The following SPG7 variants were observed in gnomAD, a reference collection of about 807,000 sequenced individuals.
SPG7 encodes mitochondrial inner membrane m-AAA protease component paraplegin.
In SPG7, 103 loss-of-function variants were observed where a neutral mutation model predicts 81.9. That is an observed-to-expected ratio of 1.26 (90% CI 1.07 to 1.48). SPG7 has a LOEUF of 1.48. SPG7 is among the 40% of genes most tolerant of loss of function. The pLI, the probability that SPG7 is intolerant of heterozygous loss-of-function variation, is 0.00. For synonymous variants in SPG7, 534 were observed against 444.2 expected (o/e 1.20, Z -2.54); for missense variants, 1,241 against 1,087.3 (o/e 1.14, Z -1.99).
At chr16:89,528,028 T>C (rs924504291) in intron 5 of SPG7, among the ~76,000 whole-genome samples, 1 of 151,830 alleles carries the variant, frequency 6.6e-6, no homozygotes, top group African/African-American at 2.4e-5. Context: ...TGTAGGCCAG[T>C]GATGTACAGA....
chr16:89,514,772 A>T (rs902806683), intron 3 of SPG7, among the ~76,000 whole-genome samples: 1 of 151,954 alleles, frequency 6.6e-6, no homozygotes, highest in Non-Finnish European at 1.5e-5. Flanking sequence ...TTCTAGGATT[A>T]CAGGCGTGAG....
In SPG7 at chr16:89,510,501, G is replaced by C. The variant is rs767548328; in HGVS notation, c.195G>C (p.Leu65Phe). ...TTTTTTTTTTTCAGAGCTTACAATTGAGACTGCTAACCCCTACCTTTGAAG... is the reference window on the plus strand; with the variant it reads ...TTTTTTTTTTTCAGAGCTTACAATTCAGACTGCTAACCCCTACCTTTGAAG... ...AGGRALQSLQ[L>F]RLLTPTFEGI... is the part of the protein sequence containing the mutation. Residue 65 changes from leucine (L) to phenylalanine (F), a missense_variant, in exon 2 of 17, where the codon TTG (leucine) becomes TTC (phenylalanine). Transcript: ENST00000645818. 3 of 1,281,456 alleles carry C rather than the reference G, an allele frequency of 2.3e-6. No homozygotes were observed. Among genetic ancestry groups the C allele is most frequent in the Non-Finnish European group, 3.3e-6 (3 of 895,970 alleles). 79.4% of individuals were successfully genotyped at this position (1,281,456 alleles called of 1,614,324 possible). A position where few individuals can be genotyped will look rare whatever the true frequency, so the allele number is the denominator to read the frequency against.
intron 5 of SPG7, among the ~76,000 whole-genome samples, chr16:89,528,313 A>C (rs2058292711): frequency 1.3e-5 from 2 of 151,328 alleles, no homozygotes; most frequent in Admixed American, 6.6e-5. Flanking sequence ...GATGGCGTGA[A>C]CCCGGGAGGC....
intron 11 of SPG7, chr16:89,547,465 C>T (rs2058577724): frequency 5.4e-6 from 1 of 186,808 alleles, no homozygotes. Flanking sequence ...AAGTGCCTGC[C>T]GCTCTCCCCA....
intron 1 of SPG7, 71 bp downstream of exon 1, chr16:89,508,671 G>T: frequency 7.2e-7 from 1 of 1,380,088 alleles, no homozygotes. Context: ...CCGGCGGGGC[G>T]GGTCGGAGGC....
intron 12 of SPG7, chr16:89,550,095 GGCTT>G: frequency 6.1e-6 from 2 of 328,928 alleles, no homozygotes; most frequent in East Asian, 1.6e-4. Context: ...TGCAGAGAGA[GGCTT>G]GCTTTGACCA....
chr16:89,551,090 C>A, intron 13 of SPG7: 1 of 229,554 alleles, frequency 4.4e-6, no homozygotes, highest in Non-Finnish European at 8.9e-6. Context: ...AAAAACTACT[C>A]TTGTAGGCAG....
At chr16:89,542,681 C>T in intron 9 of SPG7, among the ~76,000 whole-genome samples, 1 of 152,092 alleles carries the variant, frequency 6.6e-6, no homozygotes, top group African/African-American at 2.4e-5. Context: ...GGACAGTGGC[C>T]CTGGAGAAGC....
chr16:89,521,157 C>T (rs2058182924), intron 3 of SPG7: 1 of 152,210 alleles, frequency 6.6e-6, no homozygotes, highest in South Asian at 2.1e-4. Context: ...TCCTTCTTGC[C>T]ACCGAGGAAG....
At chr16:89,509,988 T>A (rs2057991521) in intron 1 of SPG7, among the ~76,000 whole-genome samples, 1 of 150,444 alleles carries the variant, frequency 6.6e-6, no homozygotes, top group Non-Finnish European at 1.5e-5. Context: ...ATTTGTTTGT[T>A]TTTTGAGATG....
At chr16:89,548,911 A>C in intron 12 of SPG7, 5 of 453,482 alleles carry the variant, frequency 1.1e-5, no homozygotes, top group South Asian at 7.8e-5. Context: ...TTTGCGAGCT[A>C]TCCCTGCGAG....
intron 3 of SPG7, chr16:89,518,093 G>T (rs2058127367): frequency 6.6e-6 from 1 of 152,250 alleles, no homozygotes; most frequent in Non-Finnish European, 1.5e-5. Context: ...GCGGGAGTTG[G>T]TTTGTGTGGA....
intron 9 of SPG7, among the ~76,000 whole-genome samples, chr16:89,536,266 G>C (rs1335270346): frequency 1.5e-5 from 2 of 132,276 alleles, no homozygotes; most frequent in African/African-American, 5.5e-5. Context: ...CTCTGGTGCT[G>C]TGTGGCCTTC....
intron 10 of SPG7, 30 bp from the exon 11 acceptor site, chr16:89,546,628 C>T (rs763231939): frequency 5.9e-6 from 9 of 1,523,782 alleles, no homozygotes; most frequent in Non-Finnish European, 8.2e-6. Context: ...GGCTTGAGCC[C>T]GACTGTCTTT....
intron 4 of SPG7, among the ~76,000 whole-genome samples, chr16:89,525,855 G>T (rs1178817651): frequency 6.6e-6 from 1 of 152,166 alleles, no homozygotes; most frequent in African/African-American, 2.4e-5. Flanking sequence ...CCTCTGGGGG[G>T]CTCCTGCTGT....
intron 6 of SPG7, 157 bp from the exon 7 acceptor site, chr16:89,530,526 G>A (rs749002105): frequency 1.5e-5 from 12 of 812,018 alleles, no homozygotes; most frequent in Non-Finnish European, 2.4e-5. Context: ...CTTGAAGACT[G>A]ACTGTGAGCC....
At chr16:89,540,825 T>G in intron 9 of SPG7, 1 of 893,646 alleles carries the variant, frequency 1.1e-6, no homozygotes, top group Non-Finnish European at 1.3e-6. Flanking sequence ...AAGCAAAGAC[T>G]TAGGCTCACA....
rs764154443 is a variant in SPG7 at position 89,532,445 on chromosome 16, C to T, written c.1151-18C>T. ...TTTATTAACTGCCCATTTCCTGATT[C>T]TCTCTGTGTCCCCTCAGGCCTCGGC... On this transcript the variant is annotated intron_variant, in intron 8 of 16. Transcript: ENST00000645818. 12 of 1,613,104 alleles carry T rather than the reference C, an allele frequency of 7.4e-6. No individual in the cohort carries two copies. In the East Asian group the frequency reaches 1.6e-4, roughly 21 times the overall value.
In SPG7 at chr16:89,532,049, T is replaced by TC; in HGVS notation, c.1134dup (p.Val379ArgfsTer17). 1 of 1,612,866 alleles carries TC rather than the reference T, an allele frequency of 6.2e-7. No individual in the cohort carries two copies. Among genetic ancestry groups the TC allele is most frequent in the East Asian group, 2.2e-5 (1 of 44,868 alleles). On this transcript the variant is annotated frameshift_variant, in exon 8 of 17. Coordinates refer to ENST00000645818, the MANE Select transcript of SPG7 (RefSeq NM_003119.4). LOFTEE classifies it high-confidence loss of function. ...TTCCTGGCGATGGCCGGCCCAGAGT[T>TC]CGTGGAGGTCATTGGAGGTAGGTGC... is the stretch of plus-strand genomic sequence containing the variant.
Sources: gnomAD v4.1 joint callset for allele counts (sites outside exome capture counted in the v4.1 genomes callset) on GRCh38, gnomAD v4.1.1 for gene constraint, MANE v1.5 for transcripts, NCBI Gene and HGNC (gene_info 2026-07-23, HGNC 2026-07-21) for gene names.